Variants in NRG3 observed in about 807,000 individuals in gnomAD.
The protein encoded by NRG3 is neuregulin 3.
Under a neutral mutation model 66.9 loss-of-function variants are expected in NRG3, and 31 were observed. That is an observed-to-expected ratio of 0.46 (90% confidence interval 0.35 to 0.63). NRG3 has a LOEUF of 0.63. NRG3 is among the 20% of genes least tolerant of loss of function. NRG3 has a pLI of 0.00. For missense variants in NRG3, 910 were observed against 878.9 expected, an observed-to-expected ratio of 1.04 and a Z score of -0.45; for synonymous variants, 393 against 359.4, an observed-to-expected ratio of 1.09 and a Z score of -1.06.
intron 1 of NRG3, among the ~76,000 whole-genome samples, chr10:82,095,236 C>G (rs1404396811): frequency 6.6e-6 from 1 of 151,924 alleles, no homozygotes; most frequent in Non-Finnish European, 1.5e-5. Context: ...AACCTAGCAG[C>G]CCTGGACTTC....
chr10:82,780,092 G>A (rs980512322), intron 3 of NRG3, among the ~76,000 whole-genome samples: 5 of 152,270 alleles, frequency 3.3e-5, no homozygotes, highest in South Asian at 4.1e-4. Context: ...TGGCGTATAT[G>A]TGCCACATTT....
At chr10:81,997,795 A>G (rs147618272) in intron 1 of NRG3, among the ~76,000 whole-genome samples, 42 of 151,504 alleles carry the variant, frequency 2.8e-4, no homozygotes, top group African/African-American at 8.7e-4. Context: ...ATTTGTACGT[A>G]ATGTCTCCCT....
intron 1 of NRG3, among the ~76,000 whole-genome samples, chr10:81,968,240 T>C (rs977281513): frequency 2.0e-5 from 3 of 152,208 alleles, no homozygotes; most frequent in Non-Finnish European, 4.4e-5. Flanking sequence ...AGGATTCTCA[T>C]TGGCCAAATG....
chr10:82,451,367 C>T (rs967122359), intron 2 of NRG3, among the ~76,000 whole-genome samples: 1 of 152,020 alleles, frequency 6.6e-6, no homozygotes, highest in Non-Finnish European at 1.5e-5. Context: ...TAGAAGGCCT[C>T]CAGTACAATT....
chr10:82,816,514 A>C (rs1490436885), intron 3 of NRG3, among the ~76,000 whole-genome samples: 2 of 152,134 alleles, frequency 1.3e-5, no homozygotes. Flanking sequence ...GAAGGGAGGA[A>C]ATGCATGCTG....
chr10:82,799,101 C>T (rs1229713051), intron 3 of NRG3, among the ~76,000 whole-genome samples: 2 of 152,078 alleles, frequency 1.3e-5, no homozygotes, highest in African/African-American at 4.8e-5. Context: ...CTGCTATATG[C>T]CAGGGGCTAG....
intron 2 of NRG3, among the ~76,000 whole-genome samples, chr10:82,647,900 A>G (rs1296558652): frequency 6.8e-6 from 1 of 147,788 alleles, no homozygotes; most frequent in Non-Finnish European, 1.5e-5. Context: ...GATTCTGGAT[A>G]TTAGCCCTTT....
At chr10:82,396,873 G>A (rs1360616289) in intron 2 of NRG3, among the ~76,000 whole-genome samples, 1 of 152,106 alleles carries the variant, frequency 6.6e-6, no homozygotes, top group Non-Finnish European at 1.5e-5. Flanking sequence ...TAATAGCAAT[G>A]CTTTATAGCT....
chr10:82,649,605 C>T (rs1429244195), intron 2 of NRG3, among the ~76,000 whole-genome samples: 1 of 151,662 alleles, frequency 6.6e-6, no homozygotes, highest in Admixed American at 6.6e-5. Context: ...AGGCACACAC[C>T]ACCACGCCCG....
At chr10:82,771,160 G>T (rs2059699081) in intron 3 of NRG3, among the ~76,000 whole-genome samples, 1 of 152,006 alleles carries the variant, frequency 6.6e-6, no homozygotes, top group African/African-American at 2.4e-5. Flanking sequence ...GTATAAATTT[G>T]TTATACTTTT....
intron 2 of NRG3, among the ~76,000 whole-genome samples, chr10:82,550,527 A>G (rs113418405): frequency 9.9e-5 from 15 of 152,146 alleles, no homozygotes; most frequent in African/African-American, 3.6e-4. Flanking sequence ...GGGTTATGAC[A>G]TAGGGTTGTC....
intron 1 of NRG3, among the ~76,000 whole-genome samples, chr10:82,040,304 G>C (rs2062973508): frequency 6.6e-6 from 1 of 151,760 alleles, no homozygotes; most frequent in South Asian, 2.1e-4. Context: ...ATGTATACAT[G>C]TATAGTATAC....
intron 2 of NRG3, among the ~76,000 whole-genome samples, chr10:82,415,707 C>T (rs140763091): frequency 0.012 from 1,762 of 152,180 alleles, 24 homozygotes; most frequent in African/African-American, 0.039. Context: ...TGTTTTCGTT[C>T]TGTGACAAAG....
chr10:82,454,394 G>T (rs1395027155), intron 2 of NRG3, among the ~76,000 whole-genome samples: 5 of 152,010 alleles, frequency 3.3e-5, no homozygotes, highest in South Asian at 4.2e-4. Flanking sequence ...GGATATAAAA[G>T]AATATCTTAG....
intron 2 of NRG3, among the ~76,000 whole-genome samples, chr10:82,608,765 G>A (rs901032719): frequency 3.9e-5 from 6 of 152,092 alleles, no homozygotes; most frequent in African/African-American, 1.2e-4. Flanking sequence ...TTTGTCTTAA[G>A]GGTACGCCTT....
intron 1 of NRG3, among the ~76,000 whole-genome samples, chr10:82,108,728 C>T (rs891860741): frequency 6.6e-5 from 10 of 152,092 alleles, no homozygotes; most frequent in Non-Finnish European, 1.2e-4. Context: ...ATAATCCTAG[C>T]GTTCATAATA....
chr10:81,926,744 G>A (rs942492978), intron 1 of NRG3, among the ~76,000 whole-genome samples: 3 of 152,172 alleles, frequency 2.0e-5, no homozygotes, highest in Admixed American at 6.5e-5. Context: ...GAGCAAGGTT[G>A]AGTACCAGAA....
intron 1 of NRG3, among the ~76,000 whole-genome samples, chr10:82,018,907 C>T (rs558819937): frequency 6.6e-6 from 1 of 152,170 alleles, no homozygotes; most frequent in Admixed American, 6.5e-5. Context: ...TTCCTCTTTT[C>T]CTAATCGAAT....
chr10:82,836,347 T>C (rs536869735), intron 3 of NRG3, among the ~76,000 whole-genome samples: 1 of 152,280 alleles, frequency 6.6e-6, no homozygotes, highest in Admixed American at 6.6e-5. Flanking sequence ...CAACTGATAG[T>C]TTACAGATGT....
Sources: allele counts gnomAD v4.1 joint callset (sites outside exome capture counted in the v4.1 genomes callset), GRCh38; gene constraint gnomAD v4.1.1; transcripts MANE v1.5; gene names NCBI Gene and HGNC (gene_info 2026-07-23, HGNC 2026-07-21).